TRPM3: variants seen among roughly 807,000 people sequenced by gnomAD.
TRPM3 encodes the protein long transient receptor potential channel 3.
In TRPM3, 77 loss-of-function variants were observed where a neutral mutation model predicts 181.2. That is an observed-to-expected ratio of 0.42 (90% CI 0.35 to 0.51). The LOEUF is 0.51. Ranked by LOEUF, TRPM3 falls within the 20% of genes least tolerant of loss-of-function variation. The pLI, the probability that TRPM3 is intolerant of heterozygous loss-of-function variation, is 0.01. For missense variants in TRPM3, 1,759 were observed against 2,196.7 expected, an observed-to-expected ratio of 0.80 and a Z score of 3.98; for synonymous variants, 745 against 796.4, an observed-to-expected ratio of 0.94 and a Z score of 1.09.
intron 1 of TRPM3, among the ~76,000 whole-genome samples, chr9:71,134,712 AG>A (rs771797054): frequency 5.9e-5 from 9 of 152,210 alleles, no homozygotes; most frequent in Non-Finnish European, 1.2e-4. Context: ...GACTGGCAAA[AG>A]CAGTGAGTGA....
chr9:71,151,566 AC>A (rs1456416787), intron 1 of TRPM3, among the ~76,000 whole-genome samples: 3 of 152,064 alleles, frequency 2.0e-5, no homozygotes, highest in Non-Finnish European at 2.9e-5. Flanking sequence ...ATTAAAAAAA[AC>A]ATGTTGACCC....
intron 1 of TRPM3, among the ~76,000 whole-genome samples, chr9:71,326,272 A>G (rs1326924355): frequency 6.6e-6 from 1 of 152,248 alleles, no homozygotes; most frequent in Non-Finnish European, 1.5e-5. Flanking sequence ...ATCAAGAAAC[A>G]TCAGAGCTAG....
intron 1 of TRPM3, chr9:70,917,060 T>C: frequency 6.3e-7 from 1 of 1,594,224 alleles, no homozygotes; most frequent in Non-Finnish European, 8.6e-7. Context: ...GCAAGAAAAA[T>C]AGCACTGAGG....
At chr9:71,262,578 A>G (rs1351149018) in intron 1 of TRPM3, among the ~76,000 whole-genome samples, 1 of 152,144 alleles carries the variant, frequency 6.6e-6, no homozygotes, top group Non-Finnish European at 1.5e-5. Flanking sequence ...AAAACAAAAA[A>G]CAAAACAAAA....
chr9:71,285,268 A>G (rs2132230036), intron 1 of TRPM3, among the ~76,000 whole-genome samples: 1 of 152,362 alleles, frequency 6.6e-6, no homozygotes, highest in African/African-American at 2.4e-5. Flanking sequence ...TCTGACGGTT[A>G]GAAATAATTA....
chr9:71,361,497 A>G (rs2092143096), intron 1 of TRPM3, among the ~76,000 whole-genome samples: 1 of 152,214 alleles, frequency 6.6e-6, no homozygotes, highest in South Asian at 2.1e-4. Flanking sequence ...CCTGTGCCTG[A>G]CCAGAACCAA....
intron 1 of TRPM3, among the ~76,000 whole-genome samples, chr9:71,213,052 T>C (rs768422680): frequency 6.6e-6 from 1 of 152,196 alleles, no homozygotes; most frequent in Non-Finnish European, 1.5e-5. Context: ...GTTGAATAAA[T>C]CCACAAATCA....
intron 22 of TRPM3, among the ~76,000 whole-genome samples, chr9:70,580,473 G>T (rs75255886): frequency 0.059 from 9,013 of 152,102 alleles, 298 homozygotes; most frequent in African/African-American, 0.08. Flanking sequence ...ATACACACAA[G>T]AAATCAGACA....
chr9:70,564,282 C>A (rs1437336401), intron 22 of TRPM3, among the ~76,000 whole-genome samples: 3 of 152,136 alleles, frequency 2.0e-5, no homozygotes, highest in Admixed American at 2.0e-4. Flanking sequence ...ATAAGTTACT[C>A]TTTCAGATTT....
chr9:71,316,644 G>C (rs2088621642), intron 1 of TRPM3, among the ~76,000 whole-genome samples: 1 of 152,112 alleles, frequency 6.6e-6, no homozygotes, highest in Non-Finnish European at 1.5e-5. Flanking sequence ...GCGACCTCCA[G>C]AAGCTGAAAA....
At position 71,445,159 on chromosome 9, in the gene TRPM3, T is replaced by G. The variant is rs1347156806; in HGVS notation, c.183+1494A>C. Among the ~76,000 whole-genome samples, 5 of 152,326 alleles carry G rather than the reference T, an allele frequency of 3.3e-5. No individual in the cohort carries two copies. In the East Asian group the frequency reaches 9.6e-4, roughly 29 times the overall value. On this transcript the variant is annotated intron_variant, in intron 1 of 24. Coordinates refer to the TRPM3 transcript ENST00000357533. ...CTTATAACATAGTTATATGAAGATT[T>G]TATATGTTCCTGATATAGACTGTGC...
intron 5 of TRPM3, among the ~76,000 whole-genome samples, chr9:70,831,522 C>T (rs1331772327): frequency 6.6e-6 from 1 of 151,802 alleles, no homozygotes; most frequent in Non-Finnish European, 1.5e-5. Context: ...TCCTACTGCC[C>T]CGCAGCATCC....
intron 7 of TRPM3, chr9:70,776,440 T>C: frequency 1.4e-6 from 1 of 714,138 alleles, no homozygotes; most frequent in African/African-American, 1.7e-5. Context: ...ACCTTTGCTT[T>C]CCTCTTCCTT....
At chr9:71,391,633 C>T (rs894607948) in intron 1 of TRPM3, among the ~76,000 whole-genome samples, 2 of 151,894 alleles carry the variant, frequency 1.3e-5, no homozygotes, top group African/African-American at 2.4e-5. Context: ...TTTTAAAAAT[C>T]CATTTCGGGG....
At chr9:70,583,439 G>A (rs1265118471) in intron 22 of TRPM3, among the ~76,000 whole-genome samples, 2 of 152,186 alleles carry the variant, frequency 1.3e-5, no homozygotes, top group Non-Finnish European at 2.9e-5. Flanking sequence ...TGCAAACATA[G>A]GGTGAAACAA....
intron 1 of TRPM3, among the ~76,000 whole-genome samples, chr9:71,197,196 G>A (rs1413364501): frequency 2.0e-5 from 3 of 152,154 alleles, no homozygotes; most frequent in Non-Finnish European, 4.4e-5. Flanking sequence ...CAAAGGACAT[G>A]AACTCATCCT....
chr9:70,878,626 T>A (rs1159027314), intron 1 of TRPM3, among the ~76,000 whole-genome samples: 1 of 152,120 alleles, frequency 6.6e-6, no homozygotes, highest in Admixed American at 6.6e-5. Context: ...TAAAATCGAT[T>A]ATGCACATGG....
chr9:71,424,614 AT>A (rs1415554286), intron 1 of TRPM3, among the ~76,000 whole-genome samples: 3 of 152,008 alleles, frequency 2.0e-5, no homozygotes, highest in Non-Finnish European at 2.9e-5. Context: ...TTTGTGTATA[AT>A]TTTATTTTAT....
At chr9:71,188,131 T>C (rs1015678623) in intron 1 of TRPM3, among the ~76,000 whole-genome samples, 1 of 151,886 alleles carries the variant, frequency 6.6e-6, no homozygotes, top group African/African-American at 2.4e-5. Context: ...TACAATACAC[T>C]TCTGGAAGGA....
Sources: allele counts gnomAD v4.1 joint callset (sites outside exome capture counted in the v4.1 genomes callset), GRCh38; gene constraint gnomAD v4.1.1; transcripts MANE v1.5; gene names NCBI Gene and HGNC (gene_info 2026-07-23, HGNC 2026-07-21).